RB1CC1: variants seen among roughly 807,000 people sequenced by gnomAD.
RB1CC1 encodes RB1 inducible coiled-coil 1.
A neutral mutation model predicts 177.5 loss-of-function variants in RB1CC1; 46 were observed. That is an observed-to-expected ratio of 0.26 (90% confidence interval 0.20 to 0.33). RB1CC1 has a LOEUF of 0.33. RB1CC1 is among the 10% of genes least tolerant of loss of function. The pLI is 1.00. For missense variants in RB1CC1, 1,703 were observed against 1,816.3 expected (o/e 0.94, Z 1.13); for synonymous variants, 666 against 613.6 (o/e 1.09, Z -1.26).
intron 18 of RB1CC1, among the ~76,000 whole-genome samples, chr8:52,638,125 C>T (rs1425787998): frequency 6.6e-6 from 1 of 152,152 alleles, no homozygotes; most frequent in Non-Finnish European, 1.5e-5. Context: ...ATTGTGGGTT[C>T]TCACAGATGC....
At chr8:52,653,919 A>T (rs753951900) in intron 15 of RB1CC1, among the ~76,000 whole-genome samples, 4 of 152,224 alleles carry the variant, frequency 2.6e-5, no homozygotes, top group Non-Finnish European at 5.9e-5. Flanking sequence ...AATAGACAGA[A>T]GAAACTGGCA....
intron 1 of RB1CC1, 80 bp downstream of exon 1, chr8:52,713,995 C>T (rs896777495): frequency 1.7e-5 from 5 of 297,906 alleles, no homozygotes; most frequent in African/African-American, 6.9e-5. Flanking sequence ...ACCATGCGAC[C>T]CCGGCCCACC....
chr8:52,691,215 C>A (rs1854826337), intron 1 of RB1CC1, among the ~76,000 whole-genome samples: 1 of 152,170 alleles, frequency 6.6e-6, no homozygotes, highest in African/African-American at 2.4e-5. Context: ...TGCTTTCAAT[C>A]AGAAGCTTTA....
At position 52,653,711 on chromosome 8, in the gene RB1CC1, G is replaced by A. The variant is rs143083741; in HGVS notation, c.3821+2297C>T. ...TCGGAAATGCTTGGCAGCAGAAGTGGTCTGAATTTCAGATTCTGGAATATT... is the reference window on the plus strand; with the variant it reads ...TCGGAAATGCTTGGCAGCAGAAGTGATCTGAATTTCAGATTCTGGAATATT... On this transcript the variant is annotated intron_variant, in intron 15 of 23. Transcript: ENST00000025008. Among the ~76,000 whole-genome samples, 3 of 152,262 alleles carry A rather than the reference G, an allele frequency of 2.0e-5. No individual in the cohort carries two copies. The East Asian group carries it at 5.8e-4, about 29-fold the overall frequency.
At chr8:52,685,001 CCT>C (rs1854130008) in intron 3 of RB1CC1, among the ~76,000 whole-genome samples, 1 of 120,710 alleles carries the variant, frequency 8.3e-6, no homozygotes. Context: ...CATTATGTGA[CCT>C]TTTTTTTTTT....
chr8:52,627,393 T>C (rs184243502), intron 22 of RB1CC1, among the ~76,000 whole-genome samples: 207 of 151,900 alleles, frequency 1.4e-3, no homozygotes, highest in Non-Finnish European at 2.2e-3. Flanking sequence ...TACTTGACTT[T>C]GTTGCGAGTC....
chr8:52,711,992 G>A (rs1379243707), intron 1 of RB1CC1, among the ~76,000 whole-genome samples: 1 of 152,152 alleles, frequency 6.6e-6, no homozygotes, highest in African/African-American at 2.4e-5. Flanking sequence ...CTGAGGTCAG[G>A]AGTTCAAGAC....
intron 5 of RB1CC1, among the ~76,000 whole-genome samples, chr8:52,677,817 A>G (rs1853284822): frequency 6.6e-6 from 1 of 152,184 alleles, no homozygotes; most frequent in Non-Finnish European, 1.5e-5. Flanking sequence ...GAATTATGAA[A>G]TAACAAATAA....
intron 5 of RB1CC1, among the ~76,000 whole-genome samples, chr8:52,677,833 T>C (rs2150571379): frequency 6.6e-6 from 1 of 152,194 alleles, no homozygotes; most frequent in African/African-American, 2.4e-5. Context: ...AATAAAATGT[T>C]TTCAGATTTT....
intron 6 of RB1CC1, 124 bp downstream of exon 6, chr8:52,676,245 A>T: frequency 1.2e-6 from 1 of 827,190 alleles, no homozygotes; most frequent in Non-Finnish European, 1.9e-6. Flanking sequence ...GAAAAGGCTC[A>T]AAGAATAAAC....
At chr8:52,628,220 A>T in intron 21 of RB1CC1, 52 bp from the exon 22 acceptor site, 1 of 1,541,326 alleles carries the variant, frequency 6.5e-7, no homozygotes, top group Non-Finnish European at 8.9e-7. Context: ...CAATCCCCCT[A>T]TTCTGAAAAC....
chr8:52,695,159 G>A (rs1333505778), intron 1 of RB1CC1, among the ~76,000 whole-genome samples: 8 of 152,042 alleles, frequency 5.3e-5, no homozygotes, highest in African/African-American at 1.9e-4. Context: ...CAAGATTTTC[G>A]ACCTAAGATT....
intron 16 of RB1CC1, 117 bp downstream of exon 16, chr8:52,645,585 T>C (rs1424261680): frequency 1.9e-6 from 2 of 1,075,570 alleles, no homozygotes; most frequent in Admixed American, 3.2e-5. Context: ...ACAGGATCAA[T>C]GTAAGGAACA....
At chr8:52,694,079 C>T (rs1330055039) in intron 1 of RB1CC1, among the ~76,000 whole-genome samples, 1 of 152,110 alleles carries the variant, frequency 6.6e-6, no homozygotes, top group Non-Finnish European at 1.5e-5. Context: ...GAGAACCTAC[C>T]TATCGTAGCC....
intron 1 of RB1CC1, among the ~76,000 whole-genome samples, chr8:52,689,304 A>C (rs1317034572): frequency 1.3e-5 from 2 of 152,156 alleles, no homozygotes; most frequent in Non-Finnish European, 2.9e-5. Context: ...ACATCAGCAA[A>C]TTTGTCCTGT....
Position 52,674,040 on chromosome 8 carries a change from G to A in RB1CC1, c.807C>T (p.Thr269=), listed in dbSNP as rs150592937. The change falls in exon 7 of 24, where the codon ACC becomes ACT. Residue 269 remains threonine, a synonymous_variant. Transcript: ENST00000025008. The part of the protein sequence containing the change: ...PKSVEHVSPD[T]ADAESGKEIR... ...TTTCTTTGCCACTTTCAGCATCTGCGGTATCTGGGGACACATGTTCCACTG... is the reference window on the plus strand; with the variant it reads ...TTTCTTTGCCACTTTCAGCATCTGCAGTATCTGGGGACACATGTTCCACTG... The A allele has an allele frequency of 3.4e-5, 55 of 1,613,934 alleles. No homozygotes were observed. Among genetic ancestry groups the A allele is most frequent in the African/African-American group, 8.0e-5 (6 of 74,864 alleles).
chr8:52,692,691 T>G (rs1011179755), intron 1 of RB1CC1, among the ~76,000 whole-genome samples: 1 of 152,162 alleles, frequency 6.6e-6, no homozygotes, highest in Non-Finnish European at 1.5e-5. Context: ...AGTAAGCATA[T>G]TCTATGACTT....
intron 15 of RB1CC1, among the ~76,000 whole-genome samples, chr8:52,652,176 T>C (rs1850650129): frequency 6.6e-6 from 1 of 152,100 alleles, no homozygotes; most frequent in African/African-American, 2.4e-5. Context: ...TATTAAAAAA[T>C]CTTATGTATG....
In RB1CC1 at chr8:52,642,527, T is replaced by G; in HGVS notation, c.4161A>C (p.Glu1387Asp). The G allele has an allele frequency of 1.9e-6, 3 of 1,614,080 alleles. No homozygotes were observed. The highest frequency in any genetic ancestry group is 2.5e-6 in the Non-Finnish European group (3 of 1,179,984). Residue 1387 changes from glutamate (E) to aspartate (D), a missense_variant, in exon 18 of 24, where the codon GAA becomes GAC. Transcript: ENST00000025008. The part of the protein sequence containing the change: ...RLLEEKKKLE[E>D]EVSKLRSSSF... ...TGCTACTACGCAACTTACTGACTTC[T>G]TCTTCAAGCTTTTTCTTTTCCTCAA...
Sources: gnomAD v4.1 joint callset for allele counts (sites outside exome capture counted in the v4.1 genomes callset) on GRCh38, gnomAD v4.1.1 for gene constraint, MANE v1.5 for transcripts, NCBI Gene and HGNC (gene_info 2026-07-23, HGNC 2026-07-21) for gene names.